CADPS: variants seen among roughly 807,000 people sequenced by gnomAD.
The protein encoded by CADPS is calcium-dependent secretion activator 1.
CADPS carries 57 observed loss-of-function variants against 167.3 expected under a neutral mutation model. The ratio of observed to expected loss-of-function variants is 0.34; its 90% CI spans 0.28 to 0.42. The LOEUF (loss-of-function observed/expected upper bound fraction) is 0.42, where lower values mean the gene tolerates loss of function less well. Among genes scored for constraint, CADPS ranks in the 20% least tolerant of loss-of-function variants. CADPS has a pLI of 1.00. For missense variants in CADPS, 1,414 were observed against 1,738.1 expected (o/e 0.81, Z 3.32); for synonymous variants, 676 against 635.3 (o/e 1.06, Z -0.96).
At chr3:62,793,407 A>G (rs182442182) in intron 1 of CADPS, among the ~76,000 whole-genome samples, 2 of 152,242 alleles carry the variant, frequency 1.3e-5, no homozygotes, top group Non-Finnish European at 2.9e-5. Flanking sequence ...ATTAAAAATT[A>G]TAGAAGAGTT....
At chr3:62,676,971 G>A (rs2076433721) in intron 3 of CADPS, among the ~76,000 whole-genome samples, 1 of 152,072 alleles carries the variant, frequency 6.6e-6, no homozygotes. Flanking sequence ...CACCCTAAGA[G>A]GAGAAAATTC....
intron 24 of CADPS, among the ~76,000 whole-genome samples, chr3:62,471,339 C>T (rs1188721342): frequency 6.6e-6 from 1 of 152,196 alleles, no homozygotes; most frequent in Non-Finnish European, 1.5e-5. Flanking sequence ...TTCTCATCCT[C>T]TGTCTCCAAC....
At chr3:62,521,742 A>G (rs1005517006) in intron 13 of CADPS, among the ~76,000 whole-genome samples, 1 of 152,112 alleles carries the variant, frequency 6.6e-6, no homozygotes, top group African/African-American at 2.4e-5. Flanking sequence ...TTTAGCATCC[A>G]TTGCCAATTT....
At chr3:62,487,028 G>A (rs1227128937) in intron 21 of CADPS, among the ~76,000 whole-genome samples, 2 of 152,208 alleles carry the variant, frequency 1.3e-5, no homozygotes, top group African/African-American at 2.4e-5. Flanking sequence ...CTTATGGAAA[G>A]CCACTTTTGC....
intron 24 of CADPS, 103 bp from the exon 25 acceptor site, chr3:62,466,516 C>T (rs769607141): frequency 2.7e-5 from 20 of 748,642 alleles, no homozygotes; most frequent in Middle Eastern, 2.2e-4. Context: ...GCCTGGCCTG[C>T]GGACCCCGTT....
chr3:62,491,312 C>A, intron 21 of CADPS, 27 bp downstream of exon 21: 1 of 1,611,040 alleles, frequency 6.2e-7, no homozygotes, highest in Non-Finnish European at 8.5e-7. Context: ...ACCCAAACTC[C>A]GATGGTATCA....
intron 7 of CADPS, among the ~76,000 whole-genome samples, chr3:62,586,828 T>C (rs999944469): frequency 6.6e-6 from 1 of 152,172 alleles, no homozygotes; most frequent in Non-Finnish European, 1.5e-5. Flanking sequence ...TATTACCTTA[T>C]CACATATATC....
chr3:62,691,816 TA>T (rs1268939654), intron 3 of CADPS, among the ~76,000 whole-genome samples: 3 of 152,100 alleles, frequency 2.0e-5, no homozygotes, highest in African/African-American at 7.2e-5. Context: ...AAAGAATAGC[TA>T]AAAGATGCTG....
chr3:62,667,258 T>C (rs181318076), intron 3 of CADPS, among the ~76,000 whole-genome samples: 9 of 152,174 alleles, frequency 5.9e-5, no homozygotes, highest in Admixed American at 3.9e-4. Flanking sequence ...TTATCCCCTA[T>C]TTTAGAATGG....
intron 8 of CADPS, among the ~76,000 whole-genome samples, chr3:62,573,458 T>C (rs750224923): frequency 8.5e-5 from 13 of 152,220 alleles, no homozygotes; most frequent in Non-Finnish European, 1.5e-4. Context: ...GTGCCATGAA[T>C]GCACTTGGGA....
intron 1 of CADPS, among the ~76,000 whole-genome samples, chr3:62,858,413 G>A (rs544827209): frequency 6.6e-6 from 1 of 152,172 alleles, no homozygotes; most frequent in African/African-American, 2.4e-5. Flanking sequence ...CTCCACTTTG[G>A]TCTGATTGGA....
intron 13 of CADPS, among the ~76,000 whole-genome samples, chr3:62,529,597 A>G (rs539732419): frequency 6.6e-6 from 1 of 152,290 alleles, no homozygotes; most frequent in Admixed American, 6.5e-5. Flanking sequence ...TTTCACCTCT[A>G]TCCTTACATA....
chr3:62,693,388 G>A (rs888136408), intron 3 of CADPS, among the ~76,000 whole-genome samples: 1 of 152,082 alleles, frequency 6.6e-6, no homozygotes, highest in Non-Finnish European at 1.5e-5. Flanking sequence ...CTTATCAATT[G>A]TGTATACAGA....
chr3:62,770,939 T>C (rs573668967), intron 1 of CADPS, among the ~76,000 whole-genome samples: 1 of 152,344 alleles, frequency 6.6e-6, no homozygotes, highest in Admixed American at 6.5e-5. Context: ...GATTCATCCC[T>C]GTGGTTAGGA....
intron 28 of CADPS, among the ~76,000 whole-genome samples, chr3:62,410,181 C>A (rs2048693444): frequency 6.6e-6 from 1 of 152,180 alleles, no homozygotes; most frequent in East Asian, 1.9e-4. Context: ...CCATACCATG[C>A]AGAAACACAC....
At chr3:62,552,306 C>G (rs948794686) in intron 10 of CADPS, among the ~76,000 whole-genome samples, 1 of 151,670 alleles carries the variant, frequency 6.6e-6, no homozygotes, top group Non-Finnish European at 1.5e-5. Context: ...TGCAGCACAC[C>G]AACATGGCAC....
intron 6 of CADPS, among the ~76,000 whole-genome samples, chr3:62,618,656 C>T (rs535871461): frequency 6.6e-5 from 10 of 152,272 alleles, no homozygotes; most frequent in African/African-American, 2.4e-4. Context: ...CAGATGCCAA[C>T]TGTTTCATTC....
intron 29 of CADPS, among the ~76,000 whole-genome samples, chr3:62,400,893 C>T (rs919718263): frequency 3.3e-5 from 5 of 152,072 alleles, no homozygotes; most frequent in African/African-American, 7.2e-5. Context: ...CCATCGTGCC[C>T]GGCCCATTAT....
chr3:62,588,101 T>C (rs1211027040), intron 7 of CADPS, among the ~76,000 whole-genome samples: 2 of 152,142 alleles, frequency 1.3e-5, no homozygotes, highest in African/African-American at 4.8e-5. Flanking sequence ...AGCCGTGGCT[T>C]CTCCTAGTTG....
Sources: allele counts gnomAD v4.1 joint callset (sites outside exome capture counted in the v4.1 genomes callset), GRCh38; gene constraint gnomAD v4.1.1; transcripts MANE v1.5; gene names NCBI Gene and HGNC (gene_info 2026-07-23, HGNC 2026-07-21).